LYVE1: variants seen among roughly 807,000 people sequenced by gnomAD.
The protein encoded by LYVE1 is lymphatic vessel endothelial hyaluronic acid receptor 1.
Under a neutral mutation model 31.5 loss-of-function variants are expected in LYVE1, and 29 were observed. That is an observed-to-expected ratio of 0.92 (90% confidence interval 0.69 to 1.26). The LOEUF (loss-of-function observed/expected upper bound fraction) is 1.26, where lower values mean the gene tolerates loss of function less well. Among genes scored for constraint, LYVE1 ranks in the 50% most tolerant of loss-of-function variants. The pLI, the probability that LYVE1 is intolerant of heterozygous loss-of-function variation, is 0.00. For synonymous variants in LYVE1, 134 were observed against 139.4 expected (o/e 0.96, Z 0.27); for missense variants, 376 against 380.2 (o/e 0.99, Z 0.09).
rs540337897 is a variant in LYVE1 at position 10,563,215 on chromosome 11, C to T, written c.397+725G>A. On this transcript the variant is annotated intron_variant, in intron 3 of 5. Transcript: ENST00000256178. ...CTGCCCGCCTCGGCCTCCCAAAGTG[C>T]TGGGATTACAGGCATGAGCCACTGT... Among the ~76,000 whole-genome samples, 91 of 152,106 alleles carry T rather than the reference C, an allele frequency of 6.0e-4. No homozygotes were observed. In the South Asian group the frequency reaches 0.011, roughly 18 times the overall value.
rs778315152 is a variant in LYVE1 at position 10,559,866 on chromosome 11, A to T, written c.732T>A (p.Ala244=). 1 of 1,613,882 alleles carries T rather than the reference A, an allele frequency of 6.2e-7. No individual in the cohort carries two copies. The highest frequency in any genetic ancestry group is 8.5e-7 in the Non-Finnish European group (1 of 1,179,840). ...GGVPTALLVL[A]LLFFGAAAGL... is the part of the protein sequence containing the mutation. ...CAGCTGCAGCACCAAAGAAGAGGAG[A>T]GCAAGCACTAGCAGAGCCGTGGGGA... Residue 244 remains alanine, a synonymous_variant, in exon 5 of 6, where the codon GCT becomes GCA. Coordinates refer to ENST00000256178, the MANE Select transcript of LYVE1 (RefSeq NM_006691.4).
intron 4 of LYVE1, among the ~76,000 whole-genome samples, chr11:10,560,208 T>C (rs1239598693): frequency 2.0e-5 from 3 of 152,132 alleles, no homozygotes; most frequent in Admixed American, 6.5e-5. Flanking sequence ...GCCTTTAGGG[T>C]ATATATTTTA....
chr11:10,563,776 G>T (rs1850478719), intron 3 of LYVE1, among the ~76,000 whole-genome samples, 164 bp downstream of exon 3: 1 of 152,132 alleles, frequency 6.6e-6, no homozygotes, highest in Admixed American at 6.5e-5. Context: ...CCTTTGAGGG[G>T]CATATTGCCA....
chr11:10,564,133 CTA>C (rs1850487535), intron 2 of LYVE1, 54 bp from the exon 3 acceptor site: 2 of 1,614,030 alleles, frequency 1.2e-6, no homozygotes, highest in African/African-American at 2.7e-5. Flanking sequence ...GGCTTCATCT[CTA>C]TTGCTGAACA....
chr11:10,562,507 A>G (rs1327403586), intron 3 of LYVE1, among the ~76,000 whole-genome samples: 1 of 152,176 alleles, frequency 6.6e-6, no homozygotes, highest in Non-Finnish European at 1.5e-5. Flanking sequence ...GCTGGTGCAC[A>G]TTTATCTCTC....
chr11:10,560,411 A>G (rs903101405), intron 4 of LYVE1, 84 bp downstream of exon 4: 11 of 1,249,770 alleles, frequency 8.8e-6, no homozygotes, highest in South Asian at 1.6e-5. Flanking sequence ...TGAGCGCCTC[A>G]TCTAAAGACA....
In LYVE1 at chr11:10,558,710, G is replaced by C. The variant is rs1367241303; in HGVS notation, c.*401C>G. ...AAGGGTCTGAGCTGCGGAATCAGTAGAGAAAGCCTTGGTCTCAGTGACTCC... is the reference window on the plus strand; with the variant it reads ...AAGGGTCTGAGCTGCGGAATCAGTACAGAAAGCCTTGGTCTCAGTGACTCC... On this transcript the variant is annotated 3_prime_UTR_variant, in exon 6 of 6. Transcript: ENST00000256178. 6.1e-6 allele frequency: 1 copy of C among 163,546 alleles called. No individual in the cohort carries two copies. The highest frequency in any genetic ancestry group is 1.8e-4 in the East Asian group (1 of 5,688). 10.1% of individuals were successfully genotyped at this position (163,546 alleles called of 1,614,324 possible).
At chr11:10,560,015 C>G in intron 4 of LYVE1, 121 bp from the exon 5 acceptor site, 2 of 667,482 alleles carry the variant, frequency 3.0e-6, no homozygotes, top group Non-Finnish European at 2.6e-6. Flanking sequence ...CTCTGTAGCC[C>G]TTTATGATAT....
rs552476083 is a variant in LYVE1 at position 10,557,001 on chromosome 11, G to T, written c.*2110C>A. 1.3e-5 allele frequency: 2 copies of T among 152,002 alleles called. No individual in the cohort carries two copies. Among genetic ancestry groups the T allele is most frequent in the Admixed American group, 6.6e-5 (1 of 15,254 alleles). The allele number at this position is 152,002 out of a possible 1,614,324, so 9.4% of individuals were successfully genotyped here. A position where few individuals can be genotyped will look rare whatever the true frequency, so the allele number is the denominator to read the frequency against. On this transcript the variant is annotated 3_prime_UTR_variant, in exon 6 of 6. Transcript: ENST00000256178. Reference sequence around the variant, plus strand: ...CACACAGAGGGAAGATCACTACTTAGGCGCTTTCCCTCTTTTCTTCTTTAC... The same window carrying T: ...CACACAGAGGGAAGATCACTACTTATGCGCTTTCCCTCTTTTCTTCTTTAC...
Position 10,559,307 on chromosome 11 carries a change from G to T in LYVE1, c.783-10C>A, listed in dbSNP as rs1164060475. The T allele has an allele frequency of 6.2e-7, 1 of 1,607,348 alleles. No individual in the cohort carries two copies. Among genetic ancestry groups the T allele is most frequent in the Non-Finnish European group, 8.5e-7 (1 of 1,176,732 alleles). ...GAAGGCCTTCACATACCTTTAGGCA[G>T]AAACATGAAATTAAAGTGAGAGACT... On this transcript the variant is annotated splice_polypyrimidine_tract_variant and intron_variant, in intron 5 of 5. Coordinates refer to ENST00000256178, the MANE Select transcript of LYVE1 (RefSeq NM_006691.4).
chr11:10,558,203 G>A lies in LYVE1; in HGVS notation c.*908C>T, dbSNP rs1363054308. On this transcript the variant is annotated 3_prime_UTR_variant, in exon 6 of 6. Coordinates refer to ENST00000256178, the MANE Select transcript of LYVE1 (RefSeq NM_006691.4). ...GAGGAATAATATTCAATTACAGAGT[G>A]TAATACCTTGCACAGCACTTGACAT... is the stretch of plus-strand genomic sequence containing the variant. The A allele has an allele frequency of 2.0e-5, 3 of 152,174 alleles. No homozygotes were observed. The highest frequency in any genetic ancestry group is 4.4e-5 in the Non-Finnish European group (3 of 68,028). 9.4% of individuals were successfully genotyped at this position (152,174 alleles called of 1,614,324 possible).
rs893781029 is a variant in LYVE1, at chr11:10,558,860, T to C, written c.*251A>G. On this transcript the variant is annotated 3_prime_UTR_variant, in exon 6 of 6. Transcript: ENST00000256178. Reference sequence around the variant, plus strand: ...CTCCCAGTGGGATATTATTAGGACATAGCCAGGCTAGAAAGGCCGTGGGAA... The same window carrying C: ...CTCCCAGTGGGATATTATTAGGACACAGCCAGGCTAGAAAGGCCGTGGGAA... The C allele has an allele frequency of 1.1e-5, 5 of 444,966 alleles. No individual in the cohort carries two copies. The highest frequency in any genetic ancestry group is 7.9e-5 in the African/African-American group (4 of 50,322). The allele number at this position is 444,966 out of a possible 1,614,324, so 27.6% of individuals were successfully genotyped here.
chr11:10,564,183 T>C lies in LYVE1; in HGVS notation c.257+20A>G. On this transcript the variant is annotated intron_variant, in intron 2 of 5. Coordinates refer to ENST00000256178, the MANE Select transcript of LYVE1 (RefSeq NM_006691.4). The stretch of plus-strand genomic sequence containing the variant: ...TAAAAAAGAACTCCAGCAGTGACAG[T>C]GAAACCAGCTTTTTCTCACCTGCAA... The C allele has an allele frequency of 6.2e-7, 1 of 1,613,788 alleles. No individual in the cohort carries two copies. The highest frequency in any genetic ancestry group is 8.5e-7 in the Non-Finnish European group (1 of 1,179,734).
chr11:10,567,939 C>G (rs1257545083), intron 1 of LYVE1, among the ~76,000 whole-genome samples: 1 of 152,044 alleles, frequency 6.6e-6, no homozygotes, highest in African/African-American at 2.4e-5. Context: ...ACCCATTATT[C>G]CCAAGCTTAG....
Position 10,559,826 on chromosome 11 carries a change from A to G in LYVE1, c.772T>C (p.Tyr258His), listed in dbSNP as rs758194425. The change falls in exon 5 of 6, where the codon TAT (tyrosine) becomes CAT (histidine). Residue 258 changes from tyrosine (Y) to histidine (H), a missense_variant. Coordinates refer to ENST00000256178, the MANE Select transcript of LYVE1 (RefSeq NM_006691.4). ...FGAAAGLGFC[Y>H]VKRYVKAFPF... is the part of the protein sequence containing the mutation. ...CACCAACAACCCTACCTTTTGACAT[A>G]GCAAAATCCAAGACCAGCTGCAGCA... is the stretch of plus-strand genomic sequence containing the variant. 1 of 1,614,008 alleles carries G rather than the reference A, an allele frequency of 6.2e-7. No homozygotes were observed. Among genetic ancestry groups the G allele is most frequent in the African/African-American group, 1.3e-5 (1 of 75,048 alleles).
chr11:10,566,961 C>T (rs1447163635), intron 1 of LYVE1, among the ~76,000 whole-genome samples: 1 of 152,132 alleles, frequency 6.6e-6, no homozygotes, highest in African/African-American at 2.4e-5. Context: ...TCCAGTAACT[C>T]CTTCCTTAAG....
intron 1 of LYVE1, among the ~76,000 whole-genome samples, chr11:10,565,322 G>A (rs1191994311): frequency 1.3e-5 from 2 of 152,298 alleles, no homozygotes; most frequent in East Asian, 1.9e-4. Flanking sequence ...AAATCTAATG[G>A]ATTTGGGAAT....
rs889008396 is a variant in LYVE1, at chr11:10,557,775, C to G, written c.*1336G>C. Reference sequence around the variant, plus strand: ...TGTATTTTAACAACCAACATTGTCCCTTTTATTTTTGCAAACAATATGATA... The same window carrying G: ...TGTATTTTAACAACCAACATTGTCCGTTTTATTTTTGCAAACAATATGATA... On this transcript the variant is annotated 3_prime_UTR_variant, in exon 6 of 6. Transcript: ENST00000256178. 1.3e-5 allele frequency: 2 copies of G among 152,186 alleles called. No individual in the cohort carries two copies. Among genetic ancestry groups the G allele is most frequent in the African/African-American group, 4.8e-5 (2 of 41,426 alleles). 9.4% of individuals were successfully genotyped at this position (152,186 alleles called of 1,614,324 possible). A position where few individuals can be genotyped will look rare whatever the true frequency, so the allele number is the denominator to read the frequency against.
rs756437037 is a variant in LYVE1, at chr11:10,563,988, T to C, written c.349A>G (p.Lys117Glu). 1.2e-6 allele frequency: 2 copies of C among 1,614,076 alleles called. No homozygotes were observed. Among genetic ancestry groups the C allele is most frequent in the Non-Finnish European group, 1.7e-6 (2 of 1,180,016 alleles). ...GCAAACTGTCGGCTCACTGGAACCTTCCAAATCAGGACACCCACCCCATTT... is the reference window on the plus strand; with the variant it reads ...GCAAACTGTCGGCTCACTGGAACCTCCCAAATCAGGACACCCACCCCATTT... ...GKNGVGVLIW[K>E]VPVSRQFAAY... is the part of the protein sequence containing the mutation. The change falls in exon 3 of 6, where the codon AAG becomes GAG. Residue 117 changes from lysine (K) to glutamate (E), a missense_variant. Coordinates refer to ENST00000256178, the MANE Select transcript of LYVE1 (RefSeq NM_006691.4).
Sources: allele counts gnomAD v4.1 joint callset (sites outside exome capture counted in the v4.1 genomes callset), GRCh38; gene constraint gnomAD v4.1.1; transcripts MANE v1.5; gene names NCBI Gene and HGNC (gene_info 2026-07-23, HGNC 2026-07-21).